Variants in MALRD1 observed in about 807,000 individuals in gnomAD.
The protein encoded by MALRD1 is MAM and LDL receptor class A domain containing 1, also known as MAM and LDL-receptor class A domain-containing protein 1.
In MALRD1, 247 loss-of-function variants were observed where a neutral mutation model predicts 242.1. The ratio of observed to expected loss-of-function variants is 1.02; its 90% confidence interval spans 0.92 to 1.13. MALRD1 has a LOEUF of 1.13. MALRD1 is among the 50% of genes most tolerant of loss of function. MALRD1 has a pLI of 0.00. For synonymous variants in MALRD1, 995 were observed against 866.6 expected, an observed-to-expected ratio of 1.15 and a Z score of -2.60; for missense variants, 2,989 against 2,533.1, an observed-to-expected ratio of 1.18 and a Z score of -3.86.
chr10:19,405,940 C>T (rs1847081145), intron 28 of MALRD1, among the ~76,000 whole-genome samples: 1 of 151,902 alleles, frequency 6.6e-6, no homozygotes, highest in Non-Finnish European at 1.5e-5. Flanking sequence ...TGTTTAGCCA[C>T]AGAATGTCAC....
intron 14 of MALRD1, among the ~76,000 whole-genome samples, chr10:19,177,755 C>G (rs1239691842): frequency 6.6e-6 from 1 of 152,032 alleles, no homozygotes; most frequent in Admixed American, 6.5e-5. Context: ...TGTGATCGGA[C>G]AAAAGGGTAT....
At chr10:19,603,885 T>C (rs961330968) in intron 34 of MALRD1, among the ~76,000 whole-genome samples, 7 of 152,132 alleles carry the variant, frequency 4.6e-5, no homozygotes, top group African/African-American at 1.7e-4. Context: ...AATTGATAAA[T>C]GTTGTGTATG....
At chr10:19,172,556 A>G (rs906416665) in intron 13 of MALRD1, among the ~76,000 whole-genome samples, 3 of 151,584 alleles carry the variant, frequency 2.0e-5, no homozygotes, top group Non-Finnish European at 2.9e-5. Flanking sequence ...ACCACATTTT[A>G]AAGACTACCT....
In MALRD1 at chr10:19,142,031, G is replaced by T. The variant is rs1012507900; in HGVS notation, c.1412-4167G>T. On this transcript the variant is annotated intron_variant, in intron 10 of 39. Transcript: ENST00000454679. ...ACTAAAAATATAAAAAATTAGCCGGGCGTTGTGGTGGGCGCCTGTAGTCCC... is the reference window on the plus strand; with the variant it reads ...ACTAAAAATATAAAAAATTAGCCGGTCGTTGTGGTGGGCGCCTGTAGTCCC... Among the ~76,000 whole-genome samples the T allele has an allele frequency of 2.6e-5, 4 of 151,926 alleles. No homozygotes were observed. The East Asian group carries it at 5.8e-4, about 22-fold the overall frequency.
chr10:19,639,368 C>T (rs1319742729), intron 36 of MALRD1, among the ~76,000 whole-genome samples: 1 of 152,194 alleles, frequency 6.6e-6, no homozygotes, highest in East Asian at 1.9e-4. Flanking sequence ...GAAATAGACA[C>T]ATCTCTTCGA....
intron 29 of MALRD1, among the ~76,000 whole-genome samples, chr10:19,468,755 C>G (rs144965908): frequency 6.6e-5 from 10 of 152,168 alleles, no homozygotes; most frequent in Non-Finnish European, 1.2e-4. Flanking sequence ...CTAGTCTTTA[C>G]AAGATCCCAG....
rs1276049490 is a variant in MALRD1, at chr10:19,567,131, A to C, written c.5479-371A>C. ...TATTCATTTATCATATTCATGTATC[A>C]TGAGGGTCCTCTTTTTCTGCAGTCA... On this transcript the variant is annotated intron_variant, in intron 32 of 39. Transcript: ENST00000454679. 2.6e-5 allele frequency among the ~76,000 whole-genome samples: 4 copies of C among 152,330 alleles called. No individual in the cohort carries two copies. The East Asian group carries it at 7.7e-4, about 29-fold the overall frequency.
chr10:19,203,201 T>C (rs916477691), intron 14 of MALRD1, among the ~76,000 whole-genome samples: 1 of 152,210 alleles, frequency 6.6e-6, no homozygotes, highest in East Asian at 1.9e-4. Flanking sequence ...GTTCAAATTA[T>C]TTTCTGCACC....
chr10:19,253,905 G>A (rs1839397737), intron 18 of MALRD1, among the ~76,000 whole-genome samples: 1 of 151,986 alleles, frequency 6.6e-6, no homozygotes, highest in Non-Finnish European at 1.5e-5. Context: ...GTGGGACCAG[G>A]TGGATATATG....
chr10:19,132,453 G>A (rs1421657586), intron 8 of MALRD1, among the ~76,000 whole-genome samples: 1 of 152,186 alleles, frequency 6.6e-6, no homozygotes, highest in Non-Finnish European at 1.5e-5. Context: ...AATTGTAATG[G>A]ATTTAGACTA....
intron 26 of MALRD1, among the ~76,000 whole-genome samples, chr10:19,384,616 A>G (rs1845995676): frequency 7.7e-6 from 1 of 130,438 alleles, no homozygotes; most frequent in Non-Finnish European, 1.6e-5. Flanking sequence ...TATATATAAT[A>G]TAATATTTAC....
At chr10:19,631,816 G>T (rs1165445582) in intron 36 of MALRD1, among the ~76,000 whole-genome samples, 1 of 152,080 alleles carries the variant, frequency 6.6e-6, no homozygotes, top group Non-Finnish European at 1.5e-5. Context: ...CATGTCATTT[G>T]CCCACTTCTT....
At chr10:19,161,711 G>C (rs2131491263) in intron 12 of MALRD1, among the ~76,000 whole-genome samples, 1 of 152,108 alleles carries the variant, frequency 6.6e-6, no homozygotes, top group East Asian at 1.9e-4. Flanking sequence ...GTAGCTACTA[G>C]CTACATAGAG....
At chr10:19,080,387 C>T (rs915975341) in intron 2 of MALRD1, among the ~76,000 whole-genome samples, 3 of 151,978 alleles carry the variant, frequency 2.0e-5, no homozygotes, top group African/African-American at 7.2e-5. Flanking sequence ...GCTACAGTAA[C>T]CCAAACAGCA....
chr10:19,144,367 A>G (rs1300387425), intron 10 of MALRD1, among the ~76,000 whole-genome samples: 2 of 152,222 alleles, frequency 1.3e-5, no homozygotes, highest in Middle Eastern at 3.2e-3. Context: ...CCCACTGTCT[A>G]TTCTATGACT....
intron 24 of MALRD1, among the ~76,000 whole-genome samples, chr10:19,334,128 T>TTG (rs1554834536): frequency 2.0e-5 from 3 of 147,176 alleles, no homozygotes; most frequent in Non-Finnish European, 4.5e-5. Flanking sequence ...GGTTTTTTTT[T>TTG]TTTTTTTTTT....
chr10:19,141,235 A>G (rs1408431106), intron 10 of MALRD1, among the ~76,000 whole-genome samples: 1 of 152,224 alleles, frequency 6.6e-6, no homozygotes, highest in African/African-American at 2.4e-5. Context: ...GACACACGCT[A>G]CAACATGGAT....
chr10:19,136,883 G>T, intron 10 of MALRD1, 102 bp downstream of exon 10: 2 of 727,108 alleles, frequency 2.8e-6, no homozygotes, highest in Non-Finnish European at 1.9e-6. Flanking sequence ...TAAGTCATAT[G>T]TATGAAATGT....
At chr10:19,713,411 A>T (rs1239470398) in intron 38 of MALRD1, among the ~76,000 whole-genome samples, 3 of 152,166 alleles carry the variant, frequency 2.0e-5, no homozygotes, top group Admixed American at 6.5e-5. Context: ...AGCTCAAATA[A>T]TGTTTCCTAA....
Sources: allele counts gnomAD v4.1 joint callset (sites outside exome capture counted in the v4.1 genomes callset), GRCh38; gene constraint gnomAD v4.1.1; transcripts MANE v1.5; gene names NCBI Gene and HGNC (gene_info 2026-07-23, HGNC 2026-07-21).